UST: variants seen among roughly 807,000 people sequenced by gnomAD.
The protein encoded by UST is chondroitin sulfate 2-O-sulfotransferase.
A neutral mutation model predicts 45.6 loss-of-function variants in UST; 21 were observed. The observed-to-expected ratio is 0.46, with a 90% CI of 0.33 to 0.66. The LOEUF is 0.66. Ranked by LOEUF, UST falls within the 30% of genes least tolerant of loss-of-function variation. The pLI, the probability that UST is intolerant of heterozygous loss-of-function variation, is 0.02. For missense variants in UST, 463 were observed against 512.4 expected (o/e 0.90, Z 0.93); for synonymous variants, 215 against 200.6 (o/e 1.07, Z -0.61).
chr6:149,073,813 C>T lies in UST; in HGVS notation c.938-20C>T, dbSNP rs549089255. 5.0e-5 allele frequency: 81 copies of T among 1,606,418 alleles called. No homozygotes were observed. Among genetic ancestry groups the T allele is most frequent in the East Asian group, 2.7e-4 (12 of 44,738 alleles). ...GCTACTGCAAATGATGGCTCATGTG[C>T]GACCCCGGTTCTCTTCCAGAGCACA... On this transcript the variant is annotated intron_variant, in intron 7 of 7. Coordinates refer to ENST00000367463, the MANE Select transcript of UST (RefSeq NM_005715.3).
chr6:148,799,907 C>G (rs1777025873), intron 1 of UST, among the ~76,000 whole-genome samples: 1 of 152,134 alleles, frequency 6.6e-6, no homozygotes, highest in South Asian at 2.1e-4. Flanking sequence ...CAGAGGAACT[C>G]TCTCTCTCAC....
At chr6:149,006,892 T>C (rs1775712960) in intron 5 of UST, among the ~76,000 whole-genome samples, 1 of 152,140 alleles carries the variant, frequency 6.6e-6, no homozygotes, top group Admixed American at 6.5e-5. Context: ...AACCACAGAG[T>C]CAACATCGTC....
At chr6:148,882,302 A>G (rs1422326052) in intron 1 of UST, among the ~76,000 whole-genome samples, 1 of 152,136 alleles carries the variant, frequency 6.6e-6, no homozygotes, top group East Asian at 1.9e-4. Context: ...CCTGGCCAAC[A>G]TGGTGAAACC....
intron 5 of UST, among the ~76,000 whole-genome samples, chr6:148,991,907 T>C (rs551089453): frequency 6.6e-6 from 1 of 152,304 alleles, no homozygotes; most frequent in Non-Finnish European, 1.5e-5. Context: ...TTCCCATACT[T>C]CTTCACACAA....
chr6:148,811,784 T>C (rs1403092227), intron 1 of UST, among the ~76,000 whole-genome samples: 2 of 152,202 alleles, frequency 1.3e-5, no homozygotes, highest in Non-Finnish European at 2.9e-5. Flanking sequence ...TGATGCAGTC[T>C]TGGAAGCTGC....
intron 3 of UST, among the ~76,000 whole-genome samples, chr6:148,946,337 C>G (rs951940188): frequency 2.0e-5 from 3 of 151,674 alleles, no homozygotes; most frequent in East Asian, 1.9e-4. Flanking sequence ...ATGGTGAAAC[C>G]CTGTCTCTAC....
intron 1 of UST, among the ~76,000 whole-genome samples, chr6:148,855,494 A>G (rs1778187086): frequency 6.6e-6 from 1 of 152,204 alleles, no homozygotes; most frequent in Admixed American, 6.5e-5. Context: ...GAGAAGGAAC[A>G]AGCTCTCTGC....
chr6:148,821,135 A>G (rs1230291177), intron 1 of UST, among the ~76,000 whole-genome samples: 1 of 150,726 alleles, frequency 6.6e-6, no homozygotes. Context: ...ACGCCCAGCT[A>G]ATTTTGTGTA....
chr6:148,971,252 C>T (rs1258282824), intron 5 of UST, among the ~76,000 whole-genome samples: 2 of 151,952 alleles, frequency 1.3e-5, no homozygotes, highest in African/African-American at 4.8e-5. Flanking sequence ...ACTAGTGACT[C>T]ATCCACCAAT....
chr6:148,836,378 A>G (rs969849247), intron 1 of UST, among the ~76,000 whole-genome samples: 1 of 152,166 alleles, frequency 6.6e-6, no homozygotes, highest in Non-Finnish European at 1.5e-5. Context: ...TCTCACAAAA[A>G]CCCAAACAAA....
At chr6:149,065,276 C>T (rs1369018555) in intron 7 of UST, among the ~76,000 whole-genome samples, 1 of 152,136 alleles carries the variant, frequency 6.6e-6, no homozygotes, top group Non-Finnish European at 1.5e-5. Context: ...GCTATTATGG[C>T]AGTCTGGAGA....
At chr6:149,011,523 A>C (rs914725149) in intron 5 of UST, among the ~76,000 whole-genome samples, 3 of 152,226 alleles carry the variant, frequency 2.0e-5, no homozygotes, top group African/African-American at 7.2e-5. Flanking sequence ...GATAACCCCC[A>C]AAAAAGCATG....
intron 2 of UST, among the ~76,000 whole-genome samples, chr6:148,927,408 G>A (rs892127541): frequency 1.3e-5 from 2 of 151,966 alleles, no homozygotes; most frequent in Admixed American, 6.6e-5. Flanking sequence ...GAAAAAATGG[G>A]GCCATAAATG....
At chr6:148,957,259 T>G (rs1417130318) in intron 4 of UST, among the ~76,000 whole-genome samples, 1 of 152,184 alleles carries the variant, frequency 6.6e-6, no homozygotes, top group Non-Finnish European at 1.5e-5. Context: ...TCCATAAAAA[T>G]GAAGAGAATG....
At chr6:148,851,556 C>G (rs1778106321) in intron 1 of UST, among the ~76,000 whole-genome samples, 1 of 152,206 alleles carries the variant, frequency 6.6e-6, no homozygotes, top group South Asian at 2.1e-4. Flanking sequence ...CATACAGATA[C>G]AACTGTTTGA....
intron 4 of UST, among the ~76,000 whole-genome samples, chr6:148,960,147 G>A (rs1780619684): frequency 6.6e-6 from 1 of 152,176 alleles, no homozygotes; most frequent in East Asian, 1.9e-4. Flanking sequence ...AAATTAGATG[G>A]GCATGGTGAT....
intron 1 of UST, among the ~76,000 whole-genome samples, chr6:148,791,799 T>G (rs1776853373): frequency 6.6e-6 from 1 of 152,248 alleles, no homozygotes. Context: ...CTTTCCTGTT[T>G]TCTTCTTGCC....
chr6:149,057,664 G>A (rs900302228), intron 7 of UST, among the ~76,000 whole-genome samples: 6 of 152,094 alleles, frequency 3.9e-5, no homozygotes, highest in Non-Finnish European at 7.3e-5. Flanking sequence ...GACCTTTAAG[G>A]CATCTATAAA....
At chr6:148,927,870 G>C (rs1017086650) in intron 2 of UST, among the ~76,000 whole-genome samples, 2 of 152,188 alleles carry the variant, frequency 1.3e-5, no homozygotes, top group African/African-American at 2.4e-5. Context: ...TTGGACCAAG[G>C]CTAAAAATTC....
Sources: allele counts gnomAD v4.1 joint callset (sites outside exome capture counted in the v4.1 genomes callset), GRCh38; gene constraint gnomAD v4.1.1; transcripts MANE v1.5; gene names NCBI Gene and HGNC (gene_info 2026-07-23, HGNC 2026-07-21).